GATAD2A: variants seen among roughly 807,000 people sequenced by gnomAD.
The protein encoded by GATAD2A is GATA zinc finger domain containing 2A, also known as transcriptional repressor p66-alpha.
GATAD2A carries 12 observed loss-of-function variants against 68.5 expected under a neutral mutation model. The ratio of observed to expected loss-of-function variants is 0.18; its 90% CI spans 0.11 to 0.28. The LOEUF (loss-of-function observed/expected upper bound fraction) is 0.28, where lower values mean the gene tolerates loss of function less well. Among genes scored for constraint, GATAD2A ranks in the 10% least tolerant of loss-of-function variants. The pLI is 1.00. For synonymous variants in GATAD2A, 410 were observed against 375.3 expected, an observed-to-expected ratio of 1.09 and a Z score of -1.07; for missense variants, 755 against 868.5, an observed-to-expected ratio of 0.87 and a Z score of 1.64.
intron 1 of GATAD2A, among the ~76,000 whole-genome samples, chr19:19,461,221 C>T (rs1254298815): frequency 6.6e-6 from 1 of 152,232 alleles, no homozygotes; most frequent in Non-Finnish European, 1.5e-5. Flanking sequence ...TTCTTCCTGT[C>T]TGAAATAAGG....
At chr19:19,467,916 G>A (rs1360676220) in intron 2 of GATAD2A, among the ~76,000 whole-genome samples, 2 of 152,172 alleles carry the variant, frequency 1.3e-5, no homozygotes, top group Non-Finnish European at 2.9e-5. Context: ...TCCGCTCCCT[G>A]TCGCTCTTTA....
chr19:19,429,034 T>G (rs1471214248), intron 1 of GATAD2A, among the ~76,000 whole-genome samples: 1 of 135,996 alleles, frequency 7.4e-6, no homozygotes, highest in Admixed American at 7.3e-5. Context: ...TTTTTTTTTT[T>G]GCCTCCAGCC....
At chr19:19,499,299 C>A (rs2060363905) in intron 8 of GATAD2A, among the ~76,000 whole-genome samples, 1 of 152,170 alleles carries the variant, frequency 6.6e-6, no homozygotes, top group Admixed American at 6.5e-5. Flanking sequence ...CCCAGGGAGC[C>A]CCTGCTCCCC....
chr19:19,471,737 C>A (rs1369764214), intron 2 of GATAD2A, among the ~76,000 whole-genome samples: 2 of 152,158 alleles, frequency 1.3e-5, no homozygotes, highest in African/African-American at 4.8e-5. Flanking sequence ...TCTGTTGTGG[C>A]ATCCATAAAT....
In GATAD2A at chr19:19,498,595, G is replaced by A. The variant is rs148702179; in HGVS notation, c.1077G>A (p.Thr359=). The change falls in exon 8 of 12, where the codon ACG becomes ACA. Residue 359 remains threonine, a synonymous_variant. Coordinates refer to ENST00000683918, the MANE Select transcript of GATAD2A (RefSeq NM_001384528.1). ...CGCTGCGCAAACAGCTGGAGAAGAC[G>A]CTACTCGAGATCCCCCCACCCAAGC... ...KLALRKQLEK[T]LLEIPPPKPP... 6.1e-5 allele frequency: 98 copies of A among 1,613,838 alleles called. No individual in the cohort carries two copies. The highest frequency in any genetic ancestry group is 3.9e-4 in the African/African-American group (29 of 75,072).
At chr19:19,496,841 G>T (rs1244184501) in intron 7 of GATAD2A, among the ~76,000 whole-genome samples, 3 of 152,186 alleles carry the variant, frequency 2.0e-5, no homozygotes, top group Non-Finnish European at 4.4e-5. Flanking sequence ...TACCAGGTCT[G>T]CAGGGGCTTT....
rs557346473 is a variant in GATAD2A at position 19,498,629 on chromosome 19, C to G, written c.1111C>G (p.Pro371Ala). The G allele has an allele frequency of 6.2e-7, 1 of 1,613,852 alleles. No homozygotes were observed. Among genetic ancestry groups the G allele is most frequent in the East Asian group, 2.2e-5 (1 of 44,882 alleles). Residue 371 changes from proline (P) to alanine (A), a missense_variant, in exon 8 of 12, where the codon CCA (proline) becomes GCA (alanine). By Grantham distance (27) the Pro-to-Ala change is conservative. Coordinates refer to ENST00000683918, the MANE Select transcript of GATAD2A (RefSeq NM_001384528.1). ...GATCCCCCCACCCAAGCCCCCAGCCCCAGAGATGAACTTCCTGCCCAGCGC... is the reference window on the plus strand; with the variant it reads ...GATCCCCCCACCCAAGCCCCCAGCCGCAGAGATGAACTTCCTGCCCAGCGC... ...LEIPPPKPPAPEMNFLPSAAN... is the reference protein window; with the variant it reads ...LEIPPPKPPAAEMNFLPSAAN...
intron 1 of GATAD2A, among the ~76,000 whole-genome samples, chr19:19,415,161 T>A (rs1056323363): frequency 6.8e-5 from 10 of 147,964 alleles, no homozygotes; most frequent in East Asian, 2.0e-4. Context: ...TTTTTTTTTT[T>A]ATGTTTTTTA....
chr19:19,463,573 G>T (rs1273366230), intron 1 of GATAD2A, among the ~76,000 whole-genome samples: 1 of 152,208 alleles, frequency 6.6e-6, no homozygotes, highest in Non-Finnish European at 1.5e-5. Flanking sequence ...TGGGATAGGT[G>T]GTAGGTGCAG....
In GATAD2A at chr19:19,436,103, G is replaced by T. The variant is rs796798858; in HGVS notation, c.-6-29237G>T. 4.9e-5 allele frequency: 60 copies of T among 1,224,178 alleles called. No individual in the cohort carries two copies. The African/African-American group carries it at 8.9e-4, about 18-fold the overall frequency. 75.8% of individuals were successfully genotyped at this position (1,224,178 alleles called of 1,614,324 possible). On this transcript the variant is annotated intron_variant, in intron 1 of 11. Coordinates refer to ENST00000683918, the MANE Select transcript of GATAD2A (RefSeq NM_001384528.1). The stretch of plus-strand genomic sequence containing the variant: ...TCCAGAAACCTTGCTTGGAAACACA[G>T]TGTTTCTTTCTCTGTCCTTTGCTTT...
rs1387401498 is a variant in GATAD2A, at chr19:19,454,802, T to C, written c.-6-10538T>C. ...GTAGTCCATTCTGCTATAAGGCTTA[T>C]TTTGGAAAAGCAGATTTGTTCCAAC... On this transcript the variant is annotated intron_variant, in intron 1 of 11. Transcript: ENST00000683918. Among the ~76,000 whole-genome samples the C allele has an allele frequency of 5.3e-5, 8 of 150,612 alleles. No individual in the cohort carries two copies. In the South Asian group the frequency reaches 1.5e-3, roughly 28 times the overall value.
chr19:19,470,078 CTG>C (rs971315834), intron 2 of GATAD2A, among the ~76,000 whole-genome samples: 7 of 151,414 alleles, frequency 4.6e-5, no homozygotes, highest in African/African-American at 1.7e-4. Context: ...GCTGGAGTAA[CTG>C]TATTAATAAG....
chr19:19,434,279 G>A (rs1477939655), intron 1 of GATAD2A, among the ~76,000 whole-genome samples: 4 of 152,084 alleles, frequency 2.6e-5, no homozygotes, highest in African/African-American at 9.7e-5. Context: ...TCCCACCCTC[G>A]GGGCAGAGAG....
chr19:19,412,871 C>A (rs1277524299), intron 1 of GATAD2A, among the ~76,000 whole-genome samples: 1 of 152,116 alleles, frequency 6.6e-6, no homozygotes, highest in South Asian at 2.1e-4. Context: ...CTCCAATTTA[C>A]GATGGATTGA....
chr19:19,480,564 C>T (rs971364222), intron 2 of GATAD2A, among the ~76,000 whole-genome samples: 2 of 152,220 alleles, frequency 1.3e-5, no homozygotes, highest in Admixed American at 6.5e-5. Flanking sequence ...AGGGCTTCTT[C>T]CTGTCGTACT....
intron 4 of GATAD2A, among the ~76,000 whole-genome samples, chr19:19,493,751 C>T (rs939592901): frequency 6.6e-6 from 1 of 151,548 alleles, no homozygotes; most frequent in African/African-American, 2.4e-5. Context: ...CTCCCCGCCC[C>T]CCACCTTACA....
intron 1 of GATAD2A, among the ~76,000 whole-genome samples, chr19:19,444,498 G>A (rs958780668): frequency 1.3e-5 from 2 of 152,152 alleles, no homozygotes; most frequent in African/African-American, 4.8e-5. Flanking sequence ...TGATCCCTAA[G>A]TAGAAACTTA....
chr19:19,487,658 G>T (rs117189003), intron 2 of GATAD2A, among the ~76,000 whole-genome samples: 2 of 152,166 alleles, frequency 1.3e-5, no homozygotes, highest in African/African-American at 4.8e-5. Context: ...GGACAGGGCC[G>T]GGCAGGCTTC....
At chr19:19,395,616 G>A (rs1186459878) in intron 1 of GATAD2A, among the ~76,000 whole-genome samples, 1 of 152,126 alleles carries the variant, frequency 6.6e-6, no homozygotes, top group African/African-American at 2.4e-5. Context: ...CCAAAAAGAT[G>A]GTTTCTTGTT....
Sources: allele counts gnomAD v4.1 joint callset (sites outside exome capture counted in the v4.1 genomes callset), GRCh38; gene constraint gnomAD v4.1.1; transcripts MANE v1.5; gene names NCBI Gene and HGNC (gene_info 2026-07-23, HGNC 2026-07-21).